MID1: variants seen among roughly 807,000 people sequenced by gnomAD.
The protein encoded by MID1 is midline 1.
MID1 carries 7 observed loss-of-function variants against 40.4 expected under a neutral mutation model. The ratio of observed to expected loss-of-function variants is 0.17; its 90% CI spans 0.10 to 0.33. MID1 has a LOEUF of 0.33. MID1 is among the 10% of genes least tolerant of loss of function. MID1 has a pLI of 1.00. For missense variants in MID1, 367 were observed against 558.5 expected (o/e 0.66, Z 3.46); for synonymous variants, 229 against 221.2 (o/e 1.04, Z -0.31).
chrX:10,733,377 C>T (rs1052036554), intron 1 of MID1, among the ~76,000 whole-genome samples: 1 of 111,695 alleles, frequency 9.0e-6, no homozygotes, highest in African/African-American at 3.3e-5. Flanking sequence ...CAGAGGCAAA[C>T]ATCTCACAAC....
At chrX:10,525,539 T>C (rs989919497) in intron 2 of MID1, among the ~76,000 whole-genome samples, 1 of 112,661 alleles carries the variant, frequency 8.9e-6, no homozygotes, top group African/African-American at 3.2e-5. Flanking sequence ...CTTTGTCTTG[T>C]AATTTTTGTC....
intron 3 of MID1, among the ~76,000 whole-genome samples, chrX:10,502,436 A>C (rs1323622472): frequency 8.9e-6 from 1 of 111,810 alleles, no homozygotes; most frequent in Non-Finnish European, 1.9e-5. Flanking sequence ...AACGTGTTGG[A>C]GACAGGATAT....
chrX:10,461,217 C>A (rs1215157405), intron 7 of MID1, among the ~76,000 whole-genome samples: 1 of 100,410 alleles, frequency 1.0e-5, no homozygotes, highest in Non-Finnish European at 2.0e-5. Flanking sequence ...TTTTCTCTAA[C>A]CTGCAAACAT....
chrX:10,569,065 C>A (rs192244285), intron 1 of MID1, among the ~76,000 whole-genome samples: 5 of 111,840 alleles, frequency 4.5e-5, no homozygotes, highest in African/African-American at 1.6e-4. Context: ...GACAATCAAT[C>A]GTTTGTATTC....
chrX:10,601,888 T>C (rs1390318007), intron 1 of MID1, among the ~76,000 whole-genome samples: 2 of 106,022 alleles, frequency 1.9e-5, no homozygotes, highest in Non-Finnish European at 3.8e-5. Context: ...TTTTTGTTTT[T>C]GTTTTTGTTT....
At chrX:10,509,936 GAC>G (rs1311605229) in intron 3 of MID1, among the ~76,000 whole-genome samples, 6 of 112,227 alleles carry the variant, frequency 5.3e-5, no homozygotes, top group African/African-American at 1.9e-4. Flanking sequence ...AGAAGGAATA[GAC>G]ACAGACTTAC....
At chrX:10,553,104 C>T (rs916171386) in intron 2 of MID1, among the ~76,000 whole-genome samples, 14 of 110,139 alleles carry the variant, frequency 1.3e-4, no homozygotes, top group East Asian at 2.8e-4. Context: ...AAAAATTAGC[C>T]GGGCGTGGTG....
intron 1 of MID1, among the ~76,000 whole-genome samples, chrX:10,728,576 A>G (rs1018462838): frequency 2.7e-5 from 3 of 112,105 alleles, no homozygotes; most frequent in African/African-American, 9.7e-5. Context: ...CTGTGATCCT[A>G]TAAAATGGCT....
In MID1 at chrX:10,741,041, G is replaced by A. The variant is rs1602549874; in HGVS notation, c.-187+92513C>T. ...GCAACTGATGTAGCTTGGCTTGCAG[G>A]AAATGTGCAAAAAAGAGAAAAGTTT... On this transcript the variant is annotated intron_variant, in intron 1 of 10. Transcript: ENST00000380785. Among the ~76,000 whole-genome samples the A allele has an allele frequency of 2.7e-5, 3 of 111,928 alleles. No individual in the cohort carries two copies. The Admixed American group carries it at 2.9e-4, about 11-fold the overall frequency.
At chrX:10,462,969 TAAC>T (rs1028298550) in intron 7 of MID1, among the ~76,000 whole-genome samples, 2 of 111,921 alleles carry the variant, frequency 1.8e-5, no homozygotes, top group Non-Finnish European at 3.8e-5. Context: ...TAAAAACAGA[TAAC>T]TACTTAGCCA....
chrX:10,591,585 C>T (rs1386478457), intron 1 of MID1, among the ~76,000 whole-genome samples: 1 of 111,814 alleles, frequency 8.9e-6, no homozygotes, highest in Non-Finnish European at 1.9e-5. Context: ...CCGAAGGGAG[C>T]TTTATTGTGC....
intron 1 of MID1, among the ~76,000 whole-genome samples, chrX:10,809,784 A>C (rs5934936): frequency 4.5e-5 from 2 of 44,460 alleles, no homozygotes; most frequent in Non-Finnish European, 8.0e-5. Context: ...GGGTAGGGGG[A>C]GGGGGGAGGG....
At chrX:10,742,038 T>C (rs1189182889) in intron 1 of MID1, among the ~76,000 whole-genome samples, 1 of 110,943 alleles carries the variant, frequency 9.0e-6, no homozygotes, top group Non-Finnish European at 1.9e-5. Context: ...AGGTCCTTTT[T>C]CTCCTTTTCT....
intron 1 of MID1, among the ~76,000 whole-genome samples, chrX:10,626,875 G>A (rs1936001159): frequency 8.9e-6 from 1 of 111,781 alleles, no homozygotes; most frequent in African/African-American, 3.3e-5. Flanking sequence ...GTATTGGGAT[G>A]AGGAGGGCTA....
At chrX:10,752,252 AG>A (rs1329823955) in intron 1 of MID1, among the ~76,000 whole-genome samples, 2 of 112,175 alleles carry the variant, frequency 1.8e-5, no homozygotes, top group Non-Finnish European at 3.8e-5. Context: ...TTCTCTTGTA[AG>A]GAAACTTGCT....
At chrX:10,712,905 C>T (rs999668582) in intron 1 of MID1, among the ~76,000 whole-genome samples, 9 of 111,040 alleles carry the variant, frequency 8.1e-5, no homozygotes, top group East Asian at 2.8e-4. Flanking sequence ...GGCGTGATCT[C>T]GGCTCACCAC....
In MID1 at chrX:10,459,670, C is replaced by T; in HGVS notation, c.1423G>A (p.Glu475Lys). ...CTGTTTGTCTTCAACTTCCCAGGCT[C>T]ACTGCTGCGGCTGCCCGCCTGGTTG... ...AINQAGSRSS[E>K]PGKLKTNSQP... Residue 475 changes from glutamate (E) to lysine (K), a missense_variant, in exon 8 of 10, where the codon GAG (glutamate) becomes AAG (lysine). Physicochemically the swap from Glu to Lys is moderately conservative, Grantham distance 56. Around this residue, in one of 3 missense-constraint regions of MID1, gnomAD observed 275 missense variants for 383.1 expected, o/e 0.72. Coordinates refer to ENST00000317552, the MANE Select transcript of MID1 (RefSeq NM_000381.4). 8.3e-7 allele frequency: 1 copy of T among 1,211,564 alleles called. No homozygotes were observed. The highest frequency in any genetic ancestry group is 1.1e-6 in the Non-Finnish European group (1 of 895,521).
chrX:10,641,995 T>C (rs1373454543), intron 1 of MID1, among the ~76,000 whole-genome samples: 1 of 111,686 alleles, frequency 9.0e-6, no homozygotes, highest in Non-Finnish European at 1.9e-5. Flanking sequence ...CTCAATAAAC[T>C]AGGTATTGAT....
intron 1 of MID1, chrX:10,590,024 G>C (rs1452743289): frequency 1.8e-5 from 2 of 111,038 alleles, no homozygotes; most frequent in African/African-American, 6.6e-5. Flanking sequence ...CACGTAAGAG[G>C]GTTGTGATCG....
Sources: gnomAD v4.1 joint callset for allele counts (sites outside exome capture counted in the v4.1 genomes callset) on GRCh38, gnomAD v4.1.1 for gene constraint, gnomAD v4.1.1 regional missense constraint, MANE v1.5 for transcripts, NCBI Gene and HGNC (gene_info 2026-07-23, HGNC 2026-07-21) for gene names.